ZFAT: variants seen among roughly 807,000 people sequenced by gnomAD.
ZFAT encodes zinc finger and AT-hook domain containing, also known as zinc finger protein ZFAT.
In ZFAT, 64 loss-of-function variants were observed where a neutral mutation model predicts 117.7. The ratio of observed to expected loss-of-function variants is 0.54; its 90% confidence interval spans 0.44 to 0.67. The LOEUF (loss-of-function observed/expected upper bound fraction) is 0.67. ZFAT is among the 30% of genes least tolerant of loss of function. ZFAT has a pLI of 0.00. For synonymous variants in ZFAT, 679 were observed against 615.0 expected, an observed-to-expected ratio of 1.10 and a Z score of -1.54; for missense variants, 1,433 against 1,584.5, an observed-to-expected ratio of 0.90 and a Z score of 1.62.
chr8:134,754,081 C>G, the ZFAT span, among the ~76,000 whole-genome samples: 1 of 152,092 alleles, frequency 6.6e-6, no homozygotes, highest in African/African-American at 2.4e-5. Context: ...TATAATGAAG[C>G]CCAGAACAAT....
the ZFAT span, among the ~76,000 whole-genome samples, chr8:134,780,259 T>C: frequency 6.6e-6 from 1 of 152,242 alleles, no homozygotes; most frequent in Non-Finnish European, 1.5e-5. Flanking sequence ...TGGGACCAAA[T>C]GGTTGCTAGA....
chr8:134,690,320 G>T (rs533680037), intron 1 of ZFAT, among the ~76,000 whole-genome samples: 12 of 152,198 alleles, frequency 7.9e-5, no homozygotes, highest in Non-Finnish European at 1.8e-4. Context: ...GTCCCTGTCC[G>T]CACTGTTACA....
chr8:134,638,668 T>C (rs1484285759), intron 2 of ZFAT, among the ~76,000 whole-genome samples: 4 of 149,972 alleles, frequency 2.7e-5, no homozygotes, highest in Admixed American at 6.6e-5. Context: ...GCAGAGCTTG[T>C]AGTAAGCTGA....
At chr8:134,810,941 G>A in the ZFAT span, among the ~76,000 whole-genome samples, 2 of 151,830 alleles carry the variant, frequency 1.3e-5, no homozygotes, top group African/African-American at 4.8e-5. Flanking sequence ...ACATGGGGGG[G>A]AAATCAGTAA....
intron 11 of ZFAT, among the ~76,000 whole-genome samples, chr8:134,547,659 C>T (rs1478721809): frequency 6.6e-6 from 1 of 152,214 alleles, no homozygotes; most frequent in African/African-American, 2.4e-5. Flanking sequence ...TCCACTGAGG[C>T]TTCTTGAACA....
At chr8:134,783,086 A>C in the ZFAT span, among the ~76,000 whole-genome samples, 1 of 152,094 alleles carries the variant, frequency 6.6e-6, no homozygotes, top group African/African-American at 2.4e-5. Context: ...TTTGTTTTTA[A>C]GTCACATAAA....
At chr8:134,691,400 GAC>G (rs1481011773) in intron 1 of ZFAT, among the ~76,000 whole-genome samples, 1 of 152,222 alleles carries the variant, frequency 6.6e-6, no homozygotes, top group East Asian at 1.9e-4. Flanking sequence ...CGCCTCCACG[GAC>G]ACAGTGTCTC....
At chr8:134,830,965 TG>T in the ZFAT span, among the ~76,000 whole-genome samples, 2 of 152,234 alleles carry the variant, frequency 1.3e-5, no homozygotes, top group African/African-American at 4.8e-5. Context: ...GCAAAAGCAC[TG>T]GTTATTCACA....
intron 1 of ZFAT, among the ~76,000 whole-genome samples, chr8:134,677,547 T>C (rs1586937738): frequency 6.6e-6 from 1 of 152,182 alleles, no homozygotes; most frequent in Non-Finnish European, 1.5e-5. Flanking sequence ...CTTCTGAAAC[T>C]ATTCCAAACA....
intron 3 of ZFAT, among the ~76,000 whole-genome samples, chr8:134,611,180 C>T (rs144439642): frequency 6.6e-6 from 1 of 152,198 alleles, no homozygotes; most frequent in Non-Finnish European, 1.5e-5. Flanking sequence ...TGCTGCACAC[C>T]GAATGAAATG....
intron 1 of ZFAT, among the ~76,000 whole-genome samples, chr8:134,690,460 G>T (rs1833535947): frequency 6.6e-6 from 1 of 152,356 alleles, no homozygotes; most frequent in South Asian, 2.1e-4. Context: ...ACTGGAGGCA[G>T]ATGTGGAAAA....
intron 15 of ZFAT, among the ~76,000 whole-genome samples, chr8:134,488,403 G>T (rs4909617): frequency 0.25 from 37,717 of 152,152 alleles, 5,066 homozygotes; most frequent in Non-Finnish European, 0.31. Context: ...GGTGGAGTTA[G>T]GAACGTGAAG....
intron 1 of ZFAT, among the ~76,000 whole-genome samples, chr8:134,671,321 T>C (rs1343657060): frequency 6.6e-6 from 1 of 152,192 alleles, no homozygotes; most frequent in African/African-American, 2.4e-5. Context: ...TTTAGACCAA[T>C]ATCCCTGATG....
intron 15 of ZFAT, among the ~76,000 whole-genome samples, chr8:134,484,005 C>T (rs896558655): frequency 6.6e-6 from 1 of 152,222 alleles, no homozygotes; most frequent in Non-Finnish European, 1.5e-5. Context: ...TCTCCTCTAG[C>T]TCCTCTCCTC....
intron 2 of ZFAT, among the ~76,000 whole-genome samples, chr8:134,648,003 C>T (rs1009154989): frequency 6.6e-6 from 1 of 151,998 alleles, no homozygotes; most frequent in East Asian, 1.9e-4. Context: ...GTATTATATA[C>T]TTAAAATTTG....
At chr8:134,524,265 A>G (rs1820866825) in intron 12 of ZFAT, among the ~76,000 whole-genome samples, 1 of 152,112 alleles carries the variant, frequency 6.6e-6, no homozygotes, top group Non-Finnish European at 1.5e-5. Flanking sequence ...CACAGCCAGG[A>G]TTCTGTGGAG....
chr8:134,525,292 C>T (rs951179086), intron 12 of ZFAT, among the ~76,000 whole-genome samples: 2 of 152,164 alleles, frequency 1.3e-5, no homozygotes, highest in African/African-American at 4.8e-5. Context: ...TATGCAGGTC[C>T]AGTGATGTCC....
intron 1 of ZFAT, among the ~76,000 whole-genome samples, chr8:134,686,886 T>C (rs1194891070): frequency 1.3e-5 from 2 of 152,310 alleles, no homozygotes; most frequent in Admixed American, 1.3e-4. Context: ...TTATCCCTCA[T>C]TGTCTCTTCT....
the ZFAT span, among the ~76,000 whole-genome samples, chr8:134,787,015 A>G: frequency 2.6e-5 from 4 of 151,940 alleles, no homozygotes; most frequent in Admixed American, 2.0e-4. Context: ...CACCCAGTTA[A>G]TTTTTAAAAT....
Sources: gnomAD v4.1 joint callset for allele counts (sites outside exome capture counted in the v4.1 genomes callset) on GRCh38, gnomAD v4.1.1 for gene constraint, MANE v1.5 for transcripts, NCBI Gene and HGNC (gene_info 2026-07-23, HGNC 2026-07-21) for gene names.